STK33: variants seen among roughly 807,000 people sequenced by gnomAD.
STK33 encodes serine/threonine-protein kinase 33.
Under a neutral mutation model 58.0 loss-of-function variants are expected in STK33, and 52 were observed. That is an observed-to-expected ratio of 0.90 (90% CI 0.72 to 1.13). The LOEUF (loss-of-function observed/expected upper bound fraction) is 1.13. Among genes scored for constraint, STK33 ranks in the 50% most tolerant of loss-of-function variants. STK33 has a pLI of 0.00. For missense variants in STK33, 630 were observed against 604.2 expected, an observed-to-expected ratio of 1.04 and a Z score of -0.45; for synonymous variants, 215 against 200.1, an observed-to-expected ratio of 1.07 and a Z score of -0.63.
chr11:8,588,786 C>T (rs956085379), intron 1 of STK33, among the ~76,000 whole-genome samples: 4 of 151,938 alleles, frequency 2.6e-5, no homozygotes, highest in Admixed American at 6.6e-5. Context: ...GTCTAATATC[C>T]GGACTACATA....
intron 6 of STK33, among the ~76,000 whole-genome samples, chr11:8,469,348 C>A (rs926431639): frequency 6.6e-6 from 1 of 152,222 alleles, no homozygotes; most frequent in African/African-American, 2.4e-5. Context: ...AAATCACTTT[C>A]TTTGCTCATC....
intron 3 of STK33, among the ~76,000 whole-genome samples, 169 bp from the exon 4 acceptor site, chr11:8,476,920 C>T (rs1949332196): frequency 6.6e-6 from 1 of 152,080 alleles, no homozygotes; most frequent in Admixed American, 6.6e-5. Context: ...ATCCTAAATG[C>T]TGTACTTACA....
intron 1 of STK33, among the ~76,000 whole-genome samples, chr11:8,508,621 C>T (rs558034376): frequency 8.5e-5 from 13 of 152,224 alleles, no homozygotes; most frequent in Admixed American, 5.9e-4. Flanking sequence ...ACTCTTGTCA[C>T]AACACCCCTC....
intron 1 of STK33, among the ~76,000 whole-genome samples, chr11:8,501,846 C>A (rs1222631963): frequency 6.6e-6 from 1 of 152,114 alleles, no homozygotes; most frequent in East Asian, 1.9e-4. Context: ...ATGGTATATA[C>A]ATACAATAGA....
At chr11:8,582,236 G>A (rs1156612243) in intron 1 of STK33, among the ~76,000 whole-genome samples, 1 of 152,118 alleles carries the variant, frequency 6.6e-6, no homozygotes, top group African/African-American at 2.4e-5. Context: ...GATACTCAGA[G>A]ATCTCTACAG....
the STK33 span, among the ~76,000 whole-genome samples, chr11:8,374,551 G>C: frequency 2.6e-5 from 4 of 152,150 alleles, no homozygotes; most frequent in African/African-American, 9.7e-5. Context: ...GAGAAGGATA[G>C]ATCATACTCG....
At chr11:8,464,175 C>T (rs753705454) in intron 7 of STK33, among the ~76,000 whole-genome samples, 2 of 152,056 alleles carry the variant, frequency 1.3e-5, no homozygotes, top group Non-Finnish European at 2.9e-5. Context: ...GAAGCTCAGT[C>T]GTTCCCCAGT....
At chr11:8,391,813 G>C (rs73402067), downstream of STK33, 18,013 of 152,538 alleles carry the variant, frequency 0.12, 1,251 homozygotes, top group African/African-American at 0.18. Flanking sequence ...CTTATAATTT[G>C]CATAAAGGCT....
intron 1 of STK33, among the ~76,000 whole-genome samples, chr11:8,553,098 G>A (rs572575884): frequency 6.9e-4 from 103 of 148,596 alleles, no homozygotes; most frequent in African/African-American, 2.4e-3. Flanking sequence ...CAAGGCTGCA[G>A]AGTAAGCTAT....
chr11:8,513,610 G>A (rs1042822997), intron 1 of STK33, among the ~76,000 whole-genome samples: 1 of 152,034 alleles, frequency 6.6e-6, no homozygotes, highest in African/African-American at 2.4e-5. Flanking sequence ...CTGAAATTGA[G>A]GCTGCTTTTT....
intron 3 of STK33, 45 bp downstream of exon 3, chr11:8,477,205 G>C (rs1425113612): frequency 6.7e-6 from 1 of 150,178 alleles, no homozygotes; most frequent in African/African-American, 2.5e-5. Context: ...ACTTAACCTG[G>C]TTTTTCAAGA....
chr11:8,462,436 CAT>C (rs199909997), intron 7 of STK33, among the ~76,000 whole-genome samples: 2,657 of 123,470 alleles, frequency 0.022, 55 homozygotes, highest in Middle Eastern at 0.057. Flanking sequence ...TACATATATA[CAT>C]ATATACACAC....
In STK33 at chr11:8,426,350, G is replaced by C. The variant is rs146062252; in HGVS notation, c.1146+9144C>G. On this transcript the variant is annotated intron_variant, in intron 14 of 15. Coordinates refer to ENST00000687296, the MANE Select transcript of STK33 (RefSeq NM_001352389.2). ...GCGGAGTGACTCTCAATGTCCAGCT[G>C]CTTGTGCGTCTGCCTGCTAGGGTCT... is the stretch of plus-strand genomic sequence containing the variant. Among the ~76,000 whole-genome samples the C allele has an allele frequency of 2.4e-4, 36 of 152,362 alleles. No individual in the cohort carries two copies. In the East Asian group the frequency reaches 6.2e-3, roughly 26 times the overall value.
intron 1 of STK33, among the ~76,000 whole-genome samples, chr11:8,483,203 A>G (rs1949961258): frequency 6.6e-6 from 1 of 152,002 alleles, no homozygotes; most frequent in Non-Finnish European, 1.5e-5. Flanking sequence ...AATGAGTTAG[A>G]GTTCACCTGT....
At chr11:8,463,987 A>C (rs902461162) in intron 7 of STK33, among the ~76,000 whole-genome samples, 2 of 152,232 alleles carry the variant, frequency 1.3e-5, no homozygotes, top group African/African-American at 4.8e-5. Context: ...AATTTGCTAC[A>C]GTTTGTTTTA....
intron 1 of STK33, among the ~76,000 whole-genome samples, chr11:8,581,192 A>G (rs1291877850): frequency 6.6e-6 from 1 of 152,018 alleles, no homozygotes; most frequent in Non-Finnish European, 1.5e-5. Flanking sequence ...CTCACACAGA[A>G]AGCCTTAACT....
At chr11:8,364,769 A>C in the STK33 span, among the ~76,000 whole-genome samples, 2 of 152,134 alleles carry the variant, frequency 1.3e-5, no homozygotes, top group Non-Finnish European at 2.9e-5. Context: ...AATATGCCAC[A>C]ATTTATTTAT....
intron 1 of STK33, among the ~76,000 whole-genome samples, chr11:8,551,742 C>T (rs1391178037): frequency 2.0e-5 from 3 of 152,142 alleles, no homozygotes; most frequent in East Asian, 1.9e-4. Flanking sequence ...ATTGCTGTCC[C>T]GTTATTGCTT....
chr11:8,528,862 T>A (rs190979672), intron 1 of STK33, among the ~76,000 whole-genome samples: 2 of 152,366 alleles, frequency 1.3e-5, no homozygotes, highest in Admixed American at 6.5e-5. Context: ...CCTATTTTAG[T>A]TTATTTAAGG....
Sources: allele counts gnomAD v4.1 joint callset (sites outside exome capture counted in the v4.1 genomes callset), GRCh38; gene constraint gnomAD v4.1.1; transcripts MANE v1.5; gene names NCBI Gene and HGNC (gene_info 2026-07-23, HGNC 2026-07-21).